DNM3: variants seen among roughly 807,000 people sequenced by gnomAD.
The protein encoded by DNM3 is dynamin-3.
DNM3 carries 47 observed loss-of-function variants against 101.6 expected under a neutral mutation model. The observed-to-expected ratio is 0.46, with a 90% CI of 0.37 to 0.59. DNM3 has a LOEUF of 0.59. Ranked by LOEUF, DNM3 falls within the 20% of genes least tolerant of loss-of-function variation. DNM3 has a pLI of 0.00. For missense variants in DNM3, 849 were observed against 1,085.7 expected (o/e 0.78, Z 3.06); for synonymous variants, 385 against 387.9 (o/e 0.99, Z 0.09).
intron 2 of DNM3, among the ~76,000 whole-genome samples, chr1:171,977,998 A>C (rs983102960): frequency 6.6e-6 from 1 of 151,738 alleles, no homozygotes; most frequent in Non-Finnish European, 1.5e-5. Context: ...ATTTATAATC[A>C]TTTTTTTTCC....
intron 13 of DNM3, among the ~76,000 whole-genome samples, chr1:172,102,222 T>C (rs2054699955): frequency 6.6e-6 from 1 of 152,172 alleles, no homozygotes; most frequent in Non-Finnish European, 1.5e-5. Context: ...TTTATAGAAA[T>C]TAATCTGATG....
At chr1:172,117,282 T>A (rs7525037) in intron 13 of DNM3, among the ~76,000 whole-genome samples, 15,910 of 152,092 alleles carry the variant, frequency 0.1, 1,081 homozygotes, top group East Asian at 0.25. Context: ...CATTTTTTTT[T>A]AAAATGTGCA....
chr1:172,019,656 A>G (rs79269628), intron 4 of DNM3, among the ~76,000 whole-genome samples: 2,356 of 135,144 alleles, frequency 0.017, 54 homozygotes, highest in African/African-American at 0.073. Flanking sequence ...TTCCCACCCT[A>G]CCCCCTAGTA....
intron 14 of DNM3, among the ~76,000 whole-genome samples, chr1:172,180,210 A>G (rs115619083): frequency 0.01 from 1,548 of 152,194 alleles, 33 homozygotes; most frequent in African/African-American, 0.035. Flanking sequence ...ATAAGATACT[A>G]TGTATTTCGG....
At chr1:172,381,588 T>C (rs539781346) in intron 18 of DNM3, among the ~76,000 whole-genome samples, 122 of 152,114 alleles carry the variant, frequency 8.0e-4, no homozygotes, top group African/African-American at 2.7e-3. Flanking sequence ...TGGCATCTTA[T>C]TGTACAGAAT....
At chr1:172,001,562 G>T (rs556470072) in intron 4 of DNM3, among the ~76,000 whole-genome samples, 2 of 151,944 alleles carry the variant, frequency 1.3e-5, no homozygotes, top group Non-Finnish European at 2.9e-5. Flanking sequence ...GGCCTCGCTA[G>T]GGAGGCAAAT....
chr1:172,308,964 A>T, intron 16 of DNM3, 125 bp downstream of exon 16: 1 of 479,818 alleles, frequency 2.1e-6, no homozygotes, highest in Non-Finnish European at 3.6e-6. Context: ...TTACACTTTT[A>T]GCTGATACTT....
intron 17 of DNM3, among the ~76,000 whole-genome samples, chr1:172,337,861 TTTTATTTTTA>T (rs1338588331): frequency 4.8e-5 from 7 of 145,640 alleles, no homozygotes; most frequent in Non-Finnish European, 8.9e-5. Context: ...TTTTATTTTA[TTTTATTTTTA>T]TTTTATTTTA....
At chr1:172,153,707 T>C (rs2058230650) in intron 14 of DNM3, among the ~76,000 whole-genome samples, 1 of 152,116 alleles carries the variant, frequency 6.6e-6, no homozygotes, top group African/African-American at 2.4e-5. Context: ...TTTAATAAGA[T>C]TTTGTTTCTT....
rs115242870 is a variant in DNM3, at chr1:171,961,288, G to C, written c.236-26368G>C. ...AGAAAGGAAGAGGTAGAGGGCGGAAGGACATGAAAGACTTTATGGTGACAG... is the reference window on the plus strand; with the variant it reads ...AGAAAGGAAGAGGTAGAGGGCGGAACGACATGAAAGACTTTATGGTGACAG... On this transcript the variant is annotated intron_variant, in intron 2 of 20. Transcript: ENST00000627582. 2.4e-3 allele frequency among the ~76,000 whole-genome samples: 366 copies of C among 152,206 alleles called. 7 individuals are homozygous for C. The highest frequency in any genetic ancestry group is 7.9e-3 in the African/African-American group (327 of 41,538).
chr1:172,048,912 T>A (rs2295611), intron 10 of DNM3, among the ~76,000 whole-genome samples, 162 bp downstream of exon 10: 51,114 of 152,038 alleles, frequency 0.34, 9,334 homozygotes, highest in East Asian at 0.69. Flanking sequence ...ATTGCTTTCA[T>A]GAAGGGCAGA....
intron 1 of DNM3, among the ~76,000 whole-genome samples, chr1:171,906,343 G>C (rs2125253067): frequency 6.6e-6 from 1 of 151,902 alleles, no homozygotes; most frequent in Non-Finnish European, 1.5e-5. Flanking sequence ...TCCCAGGCTA[G>C]TCTTGAACTC....
At chr1:172,223,369 C>T (rs549562730) in intron 14 of DNM3, among the ~76,000 whole-genome samples, 1 of 151,508 alleles carries the variant, frequency 6.6e-6, no homozygotes, top group East Asian at 1.9e-4. Context: ...AATTGGCAGG[C>T]ACCATTGTAT....
At chr1:171,911,646 C>T (rs889846819) in intron 1 of DNM3, among the ~76,000 whole-genome samples, 1 of 152,048 alleles carries the variant, frequency 6.6e-6, no homozygotes, top group African/African-American at 2.4e-5. Context: ...TCACTTCTAC[C>T]CTATCCACGC....
intron 1 of DNM3, among the ~76,000 whole-genome samples, chr1:171,912,511 CTT>C (rs570844239): frequency 8.5e-4 from 130 of 152,284 alleles, no homozygotes; most frequent in African/African-American, 3.0e-3. Flanking sequence ...CTATCCTACT[CTT>C]TGTTCTTTTC....
At chr1:172,290,231 T>C (rs958968241) in intron 15 of DNM3, 1 of 155,172 alleles carries the variant, frequency 6.4e-6, no homozygotes, top group Non-Finnish European at 1.4e-5. Context: ...CATACCTAAT[T>C]TTACATACAG....
At chr1:172,376,671 A>AACTC (rs1303334030) in intron 17 of DNM3, 2 of 152,028 alleles carry the variant, frequency 1.3e-5, no homozygotes, top group Non-Finnish European at 2.9e-5. Context: ...TTGCATACTG[A>AACTC]ACTCTGTGAC....
At chr1:172,110,814 T>C (rs115389477) in intron 13 of DNM3, among the ~76,000 whole-genome samples, 2,901 of 152,270 alleles carry the variant, frequency 0.019, 85 homozygotes, top group African/African-American at 0.062. Context: ...GGCAGGTGGA[T>C]TGCTTGAGCC....
intron 11 of DNM3, among the ~76,000 whole-genome samples, chr1:172,072,691 C>A (rs1359337576): frequency 1.3e-5 from 2 of 152,154 alleles, no homozygotes; most frequent in Non-Finnish European, 2.9e-5. Flanking sequence ...AGTTCAAGAC[C>A]AGCCTGGCCA....
Sources: gnomAD v4.1 joint callset for allele counts (sites outside exome capture counted in the v4.1 genomes callset) on GRCh38, gnomAD v4.1.1 for gene constraint, MANE v1.5 for transcripts, NCBI Gene and HGNC (gene_info 2026-07-23, HGNC 2026-07-21) for gene names.